The following KRT86 variants were observed in gnomAD, a reference collection of about 807,000 sequenced individuals.
The protein encoded by KRT86 is keratin 86, also known as keratin, type II cuticular Hb6.
A neutral mutation model predicts 41.2 loss-of-function variants in KRT86; 30 were observed. That is an observed-to-expected ratio of 0.73 (90% CI 0.54 to 0.99). The LOEUF (loss-of-function observed/expected upper bound fraction) is 0.99, where lower values mean the gene tolerates loss of function less well. Ranked by LOEUF, KRT86 falls within the 50% of genes least tolerant of loss-of-function variation. The probability of loss-of-function intolerance (pLI) is 0.00; values close to 1 mark genes in which losing one functional copy is unlikely to be tolerated. For missense variants in KRT86, 561 were observed against 571.4 expected, an observed-to-expected ratio of 0.98 and a Z score of 0.19; for synonymous variants, 238 against 238.1, an observed-to-expected ratio of 1.00 and a Z score of 0.00.
chr12:52,288,021 C>T (rs536514099), intron 2 of KRT86: 77 of 1,614,214 alleles, frequency 4.8e-5, no homozygotes, highest in African/African-American at 1.2e-4. Flanking sequence ...GGCCCGGCTG[C>T]GGGTGACAAT....
chr12:52,308,170 CT>C, intron 9 of KRT86, 62 bp from the exon 10 acceptor site: 1 of 1,611,012 alleles, frequency 6.2e-7, no homozygotes, highest in Non-Finnish European at 8.5e-7. Flanking sequence ...TCCCCCTCCA[CT>C]TCAGTCACGG....
intron 2 of KRT86, chr12:52,288,541 C>A: frequency 6.5e-7 from 1 of 1,527,162 alleles, no homozygotes; most frequent in South Asian, 1.1e-5. Context: ...TTCCATGTAG[C>A]CAGGGGAAAG....
intron 2 of KRT86, among the ~76,000 whole-genome samples, chr12:52,285,720 G>A (rs2121224256): frequency 6.6e-6 from 1 of 152,300 alleles, no homozygotes; most frequent in East Asian, 1.9e-4. Flanking sequence ...TATCATTAGG[G>A]TTGTGTGGAT....
intron 2 of KRT86, among the ~76,000 whole-genome samples, chr12:52,293,656 C>T (rs372510480): frequency 8.5e-5 from 13 of 152,136 alleles, no homozygotes; most frequent in Middle Eastern, 3.4e-3. Context: ...AATTGAAGGA[C>T]GGGGTGGAAA....
chr12:52,278,278 A>ACC (rs1937684403), intron 2 of KRT86, among the ~76,000 whole-genome samples: 1 of 152,136 alleles, frequency 6.6e-6, no homozygotes, highest in Admixed American at 6.5e-5. Context: ...TCCCCATTTT[A>ACC]CAGATGAGGG....
intron 2 of KRT86, among the ~76,000 whole-genome samples, chr12:52,299,418 C>A (rs1938321328): frequency 6.6e-6 from 1 of 152,174 alleles, no homozygotes; most frequent in South Asian, 2.1e-4. Flanking sequence ...GGAGTGCAGA[C>A]ATCTCTTTGA....
Position 52,306,168 on chromosome 12 carries a change from A to G in KRT86, c.1135A>G (p.Lys379Glu), listed in dbSNP as rs928632392. The change falls in exon 9 of 11, where the codon AAG becomes GAG. Residue 379 changes from lysine (K) to glutamate (E), a missense_variant. Transcript: ENST00000423955. ...AELEGALQKA[K>E]QDMACLIREY... The stretch of plus-strand genomic sequence containing the variant: ...GCTGGAGGGTGCCCTGCAGAAGGCC[A>G]AGCAGGACATGGCCTGCCTGATCAG... 42 of 1,613,798 alleles carry G rather than the reference A, an allele frequency of 2.6e-5. No individual in the cohort carries two copies. Among genetic ancestry groups the G allele is most frequent in the Non-Finnish European group, 3.3e-5 (39 of 1,180,046 alleles).
At chr12:52,280,639 G>A (rs375774727) in intron 2 of KRT86, among the ~76,000 whole-genome samples, 7 of 152,314 alleles carry the variant, frequency 4.6e-5, no homozygotes, top group African/African-American at 9.6e-5. Flanking sequence ...TTGGCTAGCC[G>A]GATGCCACCC....
In KRT86 at chr12:52,308,407, T is replaced by A. The variant is rs1565751551; in HGVS notation, c.1283T>A (p.Val428Asp). The change falls in exon 11 of 11, where the codon GTC becomes GAC. Residue 428 changes from valine to aspartate, a missense_variant. Around this residue, in one of 3 missense-constraint regions of KRT86, gnomAD observed 397 missense variants for 375.9 expected, o/e 1.06. Transcript: ENST00000423955. ...CEGVGSVNVC[V>D]SSSRGGVVCG... ...CCTCCGTCTCTTTCCCCTGCAGGCG[T>A]CAGCAGCTCCCGCGGTGGCGTTGTC... The A allele has an allele frequency of 6.2e-7, 1 of 1,611,680 alleles. No individual in the cohort carries two copies. Among genetic ancestry groups the A allele is most frequent in the East Asian group, 2.2e-5 (1 of 44,834 alleles).
At chr12:52,299,623 T>C (rs1194121673) in intron 2 of KRT86, among the ~76,000 whole-genome samples, 2 of 152,240 alleles carry the variant, frequency 1.3e-5, no homozygotes, top group Non-Finnish European at 2.9e-5. Flanking sequence ...TTTTTGTCTT[T>C]TTGATAAAAG....
At chr12:52,298,064 A>T (rs527443339) in intron 2 of KRT86, among the ~76,000 whole-genome samples, 14 of 152,360 alleles carry the variant, frequency 9.2e-5, no homozygotes, top group African/African-American at 1.4e-4. Flanking sequence ...CACACTTATG[A>T]ATTATTCACA....
At chr12:52,298,439 G>T (rs1033378151) in intron 2 of KRT86, among the ~76,000 whole-genome samples, 35 of 152,296 alleles carry the variant, frequency 2.3e-4, no homozygotes, top group African/African-American at 8.4e-4. Context: ...ATGAAAACTG[G>T]ACACAGATGG....
chr12:52,306,171 C>G lies in KRT86; in HGVS notation c.1138C>G (p.Gln380Glu). ...GGAGGGTGCCCTGCAGAAGGCCAAG[C>G]AGGACATGGCCTGCCTGATCAGGGA... ...ELEGALQKAK[Q>E]DMACLIREYQ... is the part of the protein sequence containing the mutation. The change falls in exon 9 of 11, where the codon CAG (glutamine) becomes GAG (glutamate). Residue 380 changes from glutamine to glutamate, a missense_variant. By Grantham distance (29) the Gln-to-Glu change is conservative. This residue lies in a region of KRT86 where 397 missense variants were observed against 375.9 expected (regional missense o/e 1.06). Coordinates refer to ENST00000423955, the MANE Select transcript of KRT86 (RefSeq NM_001320198.2). The G allele has an allele frequency of 6.2e-7, 1 of 1,613,904 alleles. No homozygotes were observed. Among genetic ancestry groups the G allele is most frequent in the Non-Finnish European group, 8.5e-7 (1 of 1,180,040 alleles).
At chr12:52,277,031 C>T (rs904686061) in intron 2 of KRT86, among the ~76,000 whole-genome samples, 10 of 152,284 alleles carry the variant, frequency 6.6e-5, no homozygotes, top group African/African-American at 2.4e-4. Context: ...AGGGTCCCAC[C>T]AGCCACAGCT....
intron 2 of KRT86, among the ~76,000 whole-genome samples, chr12:52,294,596 A>G (rs1339897164): frequency 6.6e-6 from 1 of 152,168 alleles, no homozygotes; most frequent in East Asian, 1.9e-4. Flanking sequence ...GGAGATAACA[A>G]TTATTTTTAT....
intron 2 of KRT86, among the ~76,000 whole-genome samples, chr12:52,292,862 C>T (rs1038943291): frequency 6.6e-6 from 1 of 152,116 alleles, no homozygotes; most frequent in South Asian, 2.1e-4. Context: ...CACAGCTGGG[C>T]GCAGTGGCTC....
chr12:52,286,210 C>G (rs1287535940), intron 2 of KRT86: 1 of 1,501,962 alleles, frequency 6.7e-7, no homozygotes, highest in African/African-American at 1.4e-5. Context: ...CCAAGCAAGG[C>G]AGGGCAGGAA....
intron 2 of KRT86, among the ~76,000 whole-genome samples, chr12:52,283,276 C>G (rs1937819765): frequency 6.6e-6 from 1 of 150,804 alleles, no homozygotes; most frequent in African/African-American, 2.4e-5. Flanking sequence ...ACCTGTAGTT[C>G]CAGCTACTTG....
chr12:52,280,302 G>T (rs1937742747), intron 2 of KRT86, among the ~76,000 whole-genome samples: 1 of 152,182 alleles, frequency 6.6e-6, no homozygotes. Flanking sequence ...GTGGTCGGAA[G>T]ATAGAGTGGG....
Sources: gnomAD v4.1 joint callset for allele counts (sites outside exome capture counted in the v4.1 genomes callset) on GRCh38, gnomAD v4.1.1 for gene constraint, gnomAD v4.1.1 regional missense constraint, MANE v1.5 for transcripts, NCBI Gene and HGNC (gene_info 2026-07-23, HGNC 2026-07-21) for gene names.